Variants in DHRS7B observed in about 807,000 individuals in gnomAD.
DHRS7B encodes the protein dehydrogenase/reductase 7B.
A neutral mutation model predicts 26.4 loss-of-function variants in DHRS7B; 24 were observed. That is an observed-to-expected ratio of 0.91 (90% confidence interval 0.66 to 1.28). The LOEUF is 1.28. Among genes scored for constraint, DHRS7B ranks in the 50% most tolerant of loss-of-function variants. The pLI is 0.00. For missense variants in DHRS7B, 368 were observed against 419.4 expected (o/e 0.88, Z 1.07); for synonymous variants, 142 against 166.4 (o/e 0.85, Z 1.13).
In DHRS7B at chr17:21,191,287, C is replaced by T; in HGVS notation, c.*134C>T. On this transcript the variant is annotated 3_prime_UTR_variant, in exon 7 of 7. Transcript: ENST00000395511. ...TGGGAAAGACTGAAGAAACACATCT[C>T]GTGCAGATCTGCTGGCAGAGGACAA... 2 of 896,614 alleles carry T rather than the reference C, an allele frequency of 2.2e-6. No individual in the cohort carries two copies. The highest frequency in any genetic ancestry group is 1.7e-5 in the African/African-American group (1 of 59,898). 55.5% of individuals were successfully genotyped at this position (896,614 alleles called of 1,614,324 possible).
At chr17:21,130,687 A>G (rs1378262219) in intron 1 of DHRS7B, among the ~76,000 whole-genome samples, 2 of 152,196 alleles carry the variant, frequency 1.3e-5, no homozygotes, top group African/African-American at 4.8e-5. Context: ...AATTTTTACT[A>G]TATGTTTGCA....
chr17:21,156,767 GT>G (rs1973890540), intron 1 of DHRS7B, among the ~76,000 whole-genome samples: 2 of 151,654 alleles, frequency 1.3e-5, no homozygotes, highest in South Asian at 4.2e-4. Context: ...ACAAAAATTA[GT>G]TGGACGTGGT....
rs114689036 is a variant in DHRS7B at position 21,173,113 on chromosome 17, T to A, written c.199+917T>A. Among the ~76,000 whole-genome samples the A allele has an allele frequency of 6.1e-3, 936 of 152,288 alleles. 10 individuals are homozygous for A. Among genetic ancestry groups the A allele is most frequent in the African/African-American group, 0.022 (897 of 41,552 alleles). ...CTAAAGTGGGAGGCTCTGGGTCAGG[T>A]TCTAGAACAAACAGATGAAAGACAG... On this transcript the variant is annotated intron_variant, in intron 2 of 6. Coordinates refer to ENST00000395511, the MANE Select transcript of DHRS7B (RefSeq NM_015510.5).
chr17:21,161,230 C>T (rs764525889), intron 1 of DHRS7B, among the ~76,000 whole-genome samples: 14 of 152,086 alleles, frequency 9.2e-5, no homozygotes, highest in Non-Finnish European at 1.3e-4. Flanking sequence ...ACAGCATAGG[C>T]GCATGGGTTT....
At chr17:21,159,351 G>T (rs1372694558) in intron 1 of DHRS7B, among the ~76,000 whole-genome samples, 1 of 151,082 alleles carries the variant, frequency 6.6e-6, no homozygotes, top group African/African-American at 2.4e-5. Context: ...GGGTTCAAGT[G>T]ATTCTCCTGC....
chr17:21,183,849 T>C (rs1567630087), intron 4 of DHRS7B, 39 bp downstream of exon 4: 1 of 1,559,542 alleles, frequency 6.4e-7, no homozygotes, highest in Non-Finnish European at 8.8e-7. Context: ...AAGTGATATG[T>C]TGGCATTCTT....
intron 1 of DHRS7B, among the ~76,000 whole-genome samples, chr17:21,158,957 C>CA (rs201773440): frequency 0.037 from 3,968 of 108,482 alleles, 130 homozygotes; most frequent in African/African-American, 0.11. Flanking sequence ...TATCTGCATG[C>CA]AAAAAAAAAA....
intron 6 of DHRS7B, among the ~76,000 whole-genome samples, chr17:21,189,190 G>A (rs892954867): frequency 4.6e-5 from 7 of 152,132 alleles, no homozygotes; most frequent in African/African-American, 1.7e-4. Context: ...CGAGTCCAAG[G>A]AGTATTATCG....
chr17:21,146,003 G>A lies in DHRS7B; in HGVS notation c.20+19012G>A, dbSNP rs567959417. Among the ~76,000 whole-genome samples the A allele has an allele frequency of 4.6e-5, 7 of 152,238 alleles. No individual in the cohort carries two copies. In the South Asian group the frequency reaches 8.3e-4, roughly 18 times the overall value. On this transcript the variant is annotated intron_variant, in intron 1 of 6. Transcript: ENST00000395511. ...GAATAATAATTTATCCATTTTCTTC[G>A]TTCGTTCTCTTTACTGTTTCTTATA...
chr17:21,141,843 C>T lies in DHRS7B; in HGVS notation c.20+14852C>T, dbSNP rs142427398. ...GGAGTGCTCTCAGATCCCAGCAAAT[C>T]GTCCTATTGGTTTGTGCCATAAAGG... is the stretch of plus-strand genomic sequence containing the variant. On this transcript the variant is annotated intron_variant, in intron 1 of 6. Coordinates refer to ENST00000395511, the MANE Select transcript of DHRS7B (RefSeq NM_015510.5). Among the ~76,000 whole-genome samples, 310 of 152,134 alleles carry T rather than the reference C, an allele frequency of 2.0e-3. 1 individual carries two copies. The highest frequency in any genetic ancestry group is 3.3e-3 in the Non-Finnish European group (227 of 67,994).
chr17:21,158,280 C>T (rs1313542885), intron 1 of DHRS7B, among the ~76,000 whole-genome samples: 1 of 152,030 alleles, frequency 6.6e-6, no homozygotes, highest in Non-Finnish European at 1.5e-5. Context: ...TACTGGAAGT[C>T]CTATATAGTG....
At chr17:21,190,581 G>T (rs1974753681) in intron 6 of DHRS7B, among the ~76,000 whole-genome samples, 1 of 152,226 alleles carries the variant, frequency 6.6e-6, no homozygotes, top group Non-Finnish European at 1.5e-5. Flanking sequence ...TGCTTTTCAG[G>T]TGCGGTGTGA....
chr17:21,160,829 T>C (rs1188592836), intron 1 of DHRS7B, among the ~76,000 whole-genome samples: 1 of 152,220 alleles, frequency 6.6e-6, no homozygotes. Context: ...CAAGATGTCT[T>C]TGAATGTATA....
chr17:21,135,351 T>G (rs1256609223), intron 1 of DHRS7B, among the ~76,000 whole-genome samples: 5 of 152,220 alleles, frequency 3.3e-5, no homozygotes, highest in African/African-American at 4.8e-5. Flanking sequence ...TTTTGGACTT[T>G]AGGGAACCTC....
chr17:21,144,964 T>A lies in DHRS7B; in HGVS notation c.20+17973T>A, dbSNP rs1973609278. ...TACCTTTTAGCAGACATAGTAATAA[T>A]CAGATTTCCAAAGGAATCTATACAG... On this transcript the variant is annotated intron_variant, in intron 1 of 6. Coordinates refer to ENST00000395511, the MANE Select transcript of DHRS7B (RefSeq NM_015510.5). 3.3e-5 allele frequency among the ~76,000 whole-genome samples: 5 copies of A among 152,244 alleles called. No homozygotes were observed. In the South Asian group the frequency reaches 1.0e-3, roughly 31 times the overall value.
At chr17:21,183,463 T>C in intron 3 of DHRS7B, 131 bp from the exon 4 acceptor site, 1 of 813,382 alleles carries the variant, frequency 1.2e-6, no homozygotes, top group Non-Finnish European at 1.9e-6. Flanking sequence ...TGGGTTTAGT[T>C]TGCTATTCTT....
intron 6 of DHRS7B, among the ~76,000 whole-genome samples, chr17:21,189,328 C>T (rs1974724710): frequency 6.6e-6 from 1 of 152,212 alleles, no homozygotes; most frequent in African/African-American, 2.4e-5. Flanking sequence ...GCAGCAGTCT[C>T]AGCACCTTCA....
intron 1 of DHRS7B, chr17:21,166,076 C>G (rs1035255022): frequency 1.2e-6 from 1 of 865,870 alleles, no homozygotes; most frequent in African/African-American, 1.8e-5. Context: ...CACCGCACTC[C>G]TGTGCCATCA....
At chr17:21,163,204 C>A (rs958862570) in intron 1 of DHRS7B, among the ~76,000 whole-genome samples, 14 of 140,936 alleles carry the variant, frequency 9.9e-5, no homozygotes, top group East Asian at 6.3e-4. Context: ...AAAAAAAAAA[C>A]CAAAAAAAAC....
Sources: allele counts gnomAD v4.1 joint callset (sites outside exome capture counted in the v4.1 genomes callset), GRCh38; gene constraint gnomAD v4.1.1; transcripts MANE v1.5; gene names NCBI Gene and HGNC (gene_info 2026-07-23, HGNC 2026-07-21).